The following GRIA2 variants were observed in gnomAD, a reference collection of about 807,000 sequenced individuals.
GRIA2 encodes the protein glutamate ionotropic receptor AMPA type subunit 2, also known as glutamate receptor 2.
Under a neutral mutation model 97.3 loss-of-function variants are expected in GRIA2, and 14 were observed. The observed-to-expected ratio is 0.14, with a 90% CI of 0.10 to 0.23. The LOEUF (loss-of-function observed/expected upper bound fraction) is 0.23, where lower values mean the gene tolerates loss of function less well. Ranked by LOEUF, GRIA2 falls within the 10% of genes least tolerant of loss-of-function variation. GRIA2 has a pLI of 1.00. For synonymous variants in GRIA2, 412 were observed against 387.8 expected, an observed-to-expected ratio of 1.06 and a Z score of -0.73; for missense variants, 558 against 1,069.8, an observed-to-expected ratio of 0.52 and a Z score of 6.67.
intron 2 of GRIA2, among the ~76,000 whole-genome samples, chr4:157,292,496 T>C (rs1733150872): frequency 6.6e-6 from 1 of 151,900 alleles, no homozygotes; most frequent in Non-Finnish European, 1.5e-5. Flanking sequence ...AGACATAAAA[T>C]TTAGGAATCA....
chr4:157,294,872 A>T (rs1733273129), intron 2 of GRIA2, among the ~76,000 whole-genome samples: 1 of 152,140 alleles, frequency 6.6e-6, no homozygotes, highest in Non-Finnish European at 1.5e-5. Context: ...AGTGCCCAGA[A>T]CTCACATAGA....
At chr4:157,241,797 A>G (rs1730523379) in intron 2 of GRIA2, among the ~76,000 whole-genome samples, 2 of 152,072 alleles carry the variant, frequency 1.3e-5, no homozygotes, top group East Asian at 3.9e-4. Flanking sequence ...TGGAATTTTG[A>G]AAACCATAGA....
chr4:157,241,419 C>T (rs1368864106), intron 2 of GRIA2, among the ~76,000 whole-genome samples: 1 of 152,014 alleles, frequency 6.6e-6, no homozygotes, highest in Non-Finnish European at 1.5e-5. Context: ...ATTTAGGACT[C>T]AATTTGAAAA....
At chr4:157,320,853 G>C (rs1483130778) in intron 5 of GRIA2, among the ~76,000 whole-genome samples, 2 of 152,030 alleles carry the variant, frequency 1.3e-5, no homozygotes, top group East Asian at 3.9e-4. Context: ...AGTAATGACT[G>C]AATTCATTGC....
chr4:157,270,789 G>T (rs968206383), intron 2 of GRIA2, among the ~76,000 whole-genome samples: 15 of 152,078 alleles, frequency 9.9e-5, no homozygotes, highest in African/African-American at 3.6e-4. Flanking sequence ...GAGAAGCGAA[G>T]CATTGAGGTT....
intron 2 of GRIA2, among the ~76,000 whole-genome samples, chr4:157,280,018 G>A (rs930689436): frequency 2.0e-5 from 3 of 152,190 alleles, no homozygotes; most frequent in Admixed American, 1.3e-4. Flanking sequence ...CCAGATACTG[G>A]GGAGGCTGAG....
intron 2 of GRIA2, among the ~76,000 whole-genome samples, chr4:157,241,578 C>T (rs1730513035): frequency 6.6e-6 from 1 of 152,026 alleles, no homozygotes; most frequent in South Asian, 2.1e-4. Context: ...AAAGATCATA[C>T]ATCCTTTTTT....
intron 2 of GRIA2, among the ~76,000 whole-genome samples, chr4:157,228,654 G>C (rs144307677): frequency 1.9e-4 from 29 of 151,886 alleles, no homozygotes; most frequent in Non-Finnish European, 3.4e-4. Context: ...GTAGCCAGGC[G>C]TGGTGGCACC....
chr4:157,362,916 G>A lies in GRIA2; in HGVS notation c.2524G>A (p.Glu842Lys), dbSNP rs1304697702. 8 of 1,613,610 alleles carry A rather than the reference G, an allele frequency of 5.0e-6. No individual in the cohort carries two copies. The highest frequency in any genetic ancestry group is 2.2e-5 in the East Asian group (1 of 44,850). ...LIEFCYKSRA[E>K]AKRMKVAKNA... ...TGAGTTCTGTTACAAGTCAAGGGCC[G>A]AGGCGAAACGAATGAAGGTGGCAAA... Residue 842 changes from glutamate to lysine, a missense_variant, in exon 15 of 16, where the codon GAG becomes AAG. Transcript: ENST00000264426.
intron 2 of GRIA2, among the ~76,000 whole-genome samples, chr4:157,278,380 T>C (rs7682101): frequency 0.18 from 27,011 of 151,794 alleles, 2,593 homozygotes; most frequent in African/African-American, 0.25. Context: ...GCAAAGGTAG[T>C]CTTTTTAATA....
chr4:157,317,952 G>C (rs1289196159), intron 5 of GRIA2, among the ~76,000 whole-genome samples: 1 of 152,024 alleles, frequency 6.6e-6, no homozygotes, highest in African/African-American at 2.4e-5. Flanking sequence ...CTCCAGCCTA[G>C]TGACAAGAGA....
At chr4:157,282,530 G>A (rs1280932364) in intron 2 of GRIA2, among the ~76,000 whole-genome samples, 1 of 151,990 alleles carries the variant, frequency 6.6e-6, no homozygotes, top group Non-Finnish European at 1.5e-5. Flanking sequence ...CGAAGACCTG[G>A]TAGAAGGATG....
intron 2 of GRIA2, among the ~76,000 whole-genome samples, chr4:157,294,058 C>A (rs889646509): frequency 1.3e-5 from 2 of 152,088 alleles, no homozygotes; most frequent in African/African-American, 4.8e-5. Flanking sequence ...GCGCAGGAAC[C>A]CGCTTGCTTA....
In GRIA2 at chr4:157,332,854, G is replaced by A. The variant is rs1160382168; in HGVS notation, c.918G>A (p.Val306=). ...CTCTGACCTATGATGCCGTTCAAGT[G>A]ATGACTGAAGCCTTCCGCAACCTAA... The part of the protein sequence containing the change: ...TSALTYDAVQ[V]MTEAFRNLRK... Residue 306 remains valine, a synonymous_variant, in exon 7 of 16, where the codon GTG becomes GTA. Coordinates refer to ENST00000264426, the MANE Select transcript of GRIA2 (RefSeq NM_001083619.3). 6.2e-7 allele frequency: 1 copy of A among 1,612,426 alleles called. No homozygotes were observed. The highest frequency in any genetic ancestry group is 1.3e-5 in the African/African-American group (1 of 74,790).
rs747455025 is a variant in GRIA2 at position 157,335,885 on chromosome 4, T to C, written c.1473+8T>C. 7 of 1,539,916 alleles carry C rather than the reference T, an allele frequency of 4.5e-6. No homozygotes were observed. The highest frequency in any genetic ancestry group is 1.7e-5 in the Admixed American group (1 of 59,248). ...GGAGAACTTGTATATGGGGTAAGTATAGCTCTTCTCATAGATAAAGTCATT... is the reference window on the plus strand; with the variant it reads ...GGAGAACTTGTATATGGGGTAAGTACAGCTCTTCTCATAGATAAAGTCATT... On this transcript the variant is annotated splice_region_variant and intron_variant, in intron 10 of 15. Transcript: ENST00000264426.
chr4:157,228,884 G>A (rs1158065895), intron 2 of GRIA2, among the ~76,000 whole-genome samples: 1 of 141,506 alleles, frequency 7.1e-6, no homozygotes, highest in Non-Finnish European at 1.5e-5. Context: ...TGTTACAAGT[G>A]GGTAGAACAG....
chr4:157,361,487 A>G lies in GRIA2; in HGVS notation c.2406+363A>G. 1 of 1,278,932 alleles carries G rather than the reference A, an allele frequency of 7.8e-7. No individual in the cohort carries two copies. The highest frequency in any genetic ancestry group is 1.1e-6 in the Non-Finnish European group (1 of 879,770). 79.2% of individuals were successfully genotyped at this position (1,278,932 alleles called of 1,614,324 possible). A position where few individuals can be genotyped will look rare whatever the true frequency, so the allele number is the denominator to read the frequency against. On this transcript the variant is annotated intron_variant, in intron 14 of 15. Coordinates refer to ENST00000264426, the MANE Select transcript of GRIA2 (RefSeq NM_001083619.3). The surrounding 1 kb of genome is among the most constrained non-coding windows in gnomAD (Gnocchi z 5.2). Reference sequence around the variant, plus strand: ...CTCTTGAATCAGTATTATGTAATGAATAACATAAAATAACATTGATAATGT... The same window carrying G: ...CTCTTGAATCAGTATTATGTAATGAGTAACATAAAATAACATTGATAATGT...
chr4:157,344,340 A>G (rs1735677276), intron 12 of GRIA2, among the ~76,000 whole-genome samples: 2 of 152,050 alleles, frequency 1.3e-5, no homozygotes, highest in South Asian at 2.1e-4. Flanking sequence ...ATCCTCTCTC[A>G]ACTTTCCTTT....
At chr4:157,233,220 A>G (rs1457941800) in intron 2 of GRIA2, among the ~76,000 whole-genome samples, 1 of 152,152 alleles carries the variant, frequency 6.6e-6, no homozygotes, top group Non-Finnish European at 1.5e-5. Context: ...ACTGAAAGAT[A>G]TATTTGGTGC....
Sources: allele counts gnomAD v4.1 joint callset (sites outside exome capture counted in the v4.1 genomes callset), GRCh38; gene constraint gnomAD v4.1.1; non-coding constraint Gnocchi (gnomAD v3.1); transcripts MANE v1.5; gene names NCBI Gene and HGNC (gene_info 2026-07-23, HGNC 2026-07-21).